Variants in GPATCH8 observed in about 807,000 individuals in gnomAD.
The protein encoded by GPATCH8 is G patch domain-containing protein 8.
A neutral mutation model predicts 118.3 loss-of-function variants in GPATCH8; 18 were observed. That is an observed-to-expected ratio of 0.15 (90% CI 0.11 to 0.23). The LOEUF is 0.23. Ranked by LOEUF, GPATCH8 falls within the 10% of genes least tolerant of loss-of-function variation. The pLI is 1.00. For missense variants in GPATCH8, 1,631 were observed against 1,873.8 expected (o/e 0.87, Z 2.39); for synonymous variants, 659 against 684.7 (o/e 0.96, Z 0.59).
chr17:44,495,163 A>C (rs940738243), intron 1 of GPATCH8, among the ~76,000 whole-genome samples: 1 of 151,992 alleles, frequency 6.6e-6, no homozygotes, highest in Admixed American at 6.6e-5. Flanking sequence ...ATGAAACCCC[A>C]TCTCTACTAA....
At chr17:44,404,447 C>T (rs2049144236) in intron 7 of GPATCH8, among the ~76,000 whole-genome samples, 1 of 151,980 alleles carries the variant, frequency 6.6e-6, no homozygotes, top group Non-Finnish European at 1.5e-5. Flanking sequence ...CCAGCATATG[C>T]TTTTTAATAT....
At chr17:44,436,046 A>AT (rs1254476385) in intron 4 of GPATCH8, among the ~76,000 whole-genome samples, 2 of 150,832 alleles carry the variant, frequency 1.3e-5, no homozygotes, top group Admixed American at 6.6e-5. Flanking sequence ...AAAAAAAAAA[A>AT]AAAAAAAAGG....
rs951302773 is a variant in GPATCH8 at position 44,479,972 on chromosome 17, A to C, written c.46-5069T>G. Reference sequence around the variant, plus strand: ...CAGAGCAAGACTCCGTCTCAAAAAAAAAAAAAAATTGATAGGCTGGACTGG... The same window carrying C: ...CAGAGCAAGACTCCGTCTCAAAAAACAAAAAAAATTGATAGGCTGGACTGG... On this transcript the variant is annotated intron_variant, in intron 1 of 7. Coordinates refer to ENST00000591680, the MANE Select transcript of GPATCH8 (RefSeq NM_001002909.4). 4.6e-5 allele frequency among the ~76,000 whole-genome samples: 7 copies of C among 152,220 alleles called. No individual in the cohort carries two copies. In the South Asian group the frequency reaches 1.4e-3, roughly 32 times the overall value.
chr17:44,459,442 T>C (rs1363278145), intron 3 of GPATCH8, among the ~76,000 whole-genome samples: 1 of 152,192 alleles, frequency 6.6e-6, no homozygotes, highest in Non-Finnish European at 1.5e-5. Context: ...CATTTATTGC[T>C]GAGGAAAATA....
chr17:44,404,015 T>TA (rs1410829501), intron 7 of GPATCH8, among the ~76,000 whole-genome samples: 1 of 152,124 alleles, frequency 6.6e-6, no homozygotes, highest in Non-Finnish European at 1.5e-5. Context: ...TCTTGCTATC[T>TA]AAACTATTGC....
chr17:44,478,567 G>A (rs1232952656), intron 1 of GPATCH8, among the ~76,000 whole-genome samples: 2 of 151,970 alleles, frequency 1.3e-5, no homozygotes, highest in Non-Finnish European at 2.9e-5. Context: ...GGAGGCTGAG[G>A]CAGGAGGATC....
chr17:44,459,538 A>C (rs1305735149), intron 3 of GPATCH8, among the ~76,000 whole-genome samples: 2 of 152,206 alleles, frequency 1.3e-5, no homozygotes, highest in African/African-American at 4.8e-5. Context: ...AAATGTTAAC[A>C]AACTGCCATT....
chr17:44,483,961 C>T (rs77012009), intron 1 of GPATCH8, among the ~76,000 whole-genome samples: 5,967 of 152,172 alleles, frequency 0.039, 176 homozygotes, highest in Non-Finnish European at 0.059. Context: ...CCTGCTTCAG[C>T]GTCCCGAGTA....
chr17:44,423,762 G>A (rs929469690), intron 6 of GPATCH8, among the ~76,000 whole-genome samples: 3 of 152,272 alleles, frequency 2.0e-5, no homozygotes, highest in South Asian at 2.1e-4. Flanking sequence ...ATGATGGGGT[G>A]GCGGCGGGGG....
At chr17:44,424,777 G>A (rs1292670232) in intron 5 of GPATCH8, among the ~76,000 whole-genome samples, 1 of 152,152 alleles carries the variant, frequency 6.6e-6, no homozygotes, top group Non-Finnish European at 1.5e-5. Context: ...TCTGAAATCT[G>A]AAACACCTTT....
chr17:44,501,463 G>C (rs1970064044), intron 1 of GPATCH8, among the ~76,000 whole-genome samples: 1 of 151,930 alleles, frequency 6.6e-6, no homozygotes, highest in African/African-American at 2.4e-5. Flanking sequence ...AACAGGGGTT[G>C]GTTCTTTCAA....
At chr17:44,439,888 A>T (rs1004697180) in intron 3 of GPATCH8, among the ~76,000 whole-genome samples, 4 of 150,844 alleles carry the variant, frequency 2.7e-5, no homozygotes, top group Admixed American at 6.6e-5. Context: ...GGTTCAAGCG[A>T]TTCTCCTGCC....
chr17:44,432,890 G>A (rs2050369691), intron 5 of GPATCH8, among the ~76,000 whole-genome samples: 1 of 152,174 alleles, frequency 6.6e-6, no homozygotes, highest in African/African-American at 2.4e-5. Context: ...CCAGGCTGGA[G>A]TGCAGTGGTG....
intron 3 of GPATCH8, among the ~76,000 whole-genome samples, chr17:44,457,847 C>T (rs900743194): frequency 6.6e-6 from 1 of 151,830 alleles, no homozygotes; most frequent in African/African-American, 2.4e-5. Context: ...TTTGGGAGGC[C>T]GAGGTGGGCA....
intron 2 of GPATCH8, chr17:44,465,812 T>C (rs1295375081): frequency 6.6e-6 from 1 of 152,202 alleles, no homozygotes; most frequent in Non-Finnish European, 1.5e-5. Context: ...CCATATTCAA[T>C]GATAAAGTGT....
chr17:44,472,752 G>C (rs541240481), intron 2 of GPATCH8, among the ~76,000 whole-genome samples: 2 of 152,116 alleles, frequency 1.3e-5, no homozygotes, highest in African/African-American at 4.8e-5. Context: ...CTAGAGTGCA[G>C]TGGCACAATC....
intron 6 of GPATCH8, among the ~76,000 whole-genome samples, chr17:44,422,478 C>T (rs2049943375): frequency 6.6e-6 from 1 of 151,880 alleles, no homozygotes; most frequent in South Asian, 2.1e-4. Flanking sequence ...GTGCGAGCCA[C>T]CGTGCCTAGC....
rs138588997 is a variant in GPATCH8, at chr17:44,460,154, C to T, written c.193+4318G>A. On this transcript the variant is annotated intron_variant, in intron 3 of 7. Transcript: ENST00000591680. ...TCCAGAACTGAATCCAGTCTAAATGCTACAAAATACAACTATCATTCACTC... is the reference window on the plus strand; with the variant it reads ...TCCAGAACTGAATCCAGTCTAAATGTTACAAAATACAACTATCATTCACTC... Among the ~76,000 whole-genome samples, 405 of 151,820 alleles carry T rather than the reference C, an allele frequency of 2.7e-3. 1 individual carries two copies. Among genetic ancestry groups the T allele is most frequent in the African/African-American group, 9.4e-3 (390 of 41,522 alleles).
chr17:44,432,394 AG>A (rs1331369527), intron 5 of GPATCH8, among the ~76,000 whole-genome samples: 2 of 152,332 alleles, frequency 1.3e-5, no homozygotes, highest in Non-Finnish European at 2.9e-5. Context: ...AGGGTAGTTA[AG>A]GAAAGATGAA....
Sources: gnomAD v4.1 joint callset for allele counts (sites outside exome capture counted in the v4.1 genomes callset) on GRCh38, gnomAD v4.1.1 for gene constraint, MANE v1.5 for transcripts, NCBI Gene and HGNC (gene_info 2026-07-23, HGNC 2026-07-21) for gene names.